The following EFTUD2 variants were observed in gnomAD, a reference collection of about 807,000 sequenced individuals.
EFTUD2 encodes the protein 116 kDa U5 small nuclear ribonucleoprotein component.
In EFTUD2, 9 loss-of-function variants were observed where a neutral mutation model predicts 114.3. That is an observed-to-expected ratio of 0.08 (90% CI 0.05 to 0.14). The LOEUF is 0.14. Ranked by LOEUF, EFTUD2 falls within the 10% of genes least tolerant of loss-of-function variation. The pLI is 1.00. For synonymous variants in EFTUD2, 449 were observed against 462.3 expected (o/e 0.97, Z 0.37); for missense variants, 765 against 1,241.2 (o/e 0.62, Z 5.76).
At chr17:44,881,831 T>C in intron 6 of EFTUD2, 109 bp from the exon 7 acceptor site, 1 of 1,037,352 alleles carries the variant, frequency 9.6e-7, no homozygotes, top group South Asian at 1.4e-5. Context: ...TTCTTTGAGA[T>C]TAAAGAGAGA....
intron 7 of EFTUD2, 25 bp from the exon 8 acceptor site, chr17:44,880,669 G>T (rs1409270223): frequency 1.9e-6 from 3 of 1,596,414 alleles, no homozygotes; most frequent in South Asian, 1.1e-5. Flanking sequence ...GAGTGGTCAA[G>T]ACCTCTTCCT....
intron 10 of EFTUD2, among the ~76,000 whole-genome samples, chr17:44,874,166 C>T (rs757159226): frequency 4.0e-5 from 6 of 151,604 alleles, no homozygotes; most frequent in Non-Finnish European, 1.5e-5. Flanking sequence ...CTCTGCCTCC[C>T]GAGTAGCTAA....
In EFTUD2 at chr17:44,880,646, T is replaced by A; in HGVS notation, c.529-2A>T. 6.2e-7 allele frequency: 1 copy of A among 1,612,902 alleles called. No homozygotes were observed. On this transcript the variant is annotated splice_acceptor_variant, in intron 7 of 27. Coordinates refer to ENST00000426333, the MANE Select transcript of EFTUD2 (RefSeq NM_004247.4). LOFTEE classifies it high-confidence loss of function. The stretch of plus-strand genomic sequence containing the variant: ...AGTGCTTTTGATGCCTACACCTCTC[T>A]GAAAGGAACAAAGAGTGGTCAAGAC...
At chr17:44,876,590 T>C (rs552688776) in intron 9 of EFTUD2, among the ~76,000 whole-genome samples, 52 of 152,118 alleles carry the variant, frequency 3.4e-4, no homozygotes, top group Admixed American at 2.6e-4. Flanking sequence ...CAGTGGCTCA[T>C]GCCTGTAATT....
At chr17:44,869,934 T>C (rs1394381336) in intron 11 of EFTUD2, among the ~76,000 whole-genome samples, 1 of 152,246 alleles carries the variant, frequency 6.6e-6, no homozygotes, top group African/African-American at 2.4e-5. Context: ...CATGATGCCT[T>C]ATTGTATTAT....
chr17:44,875,938 T>C lies in EFTUD2; in HGVS notation c.865A>G (p.Ile289Val), dbSNP rs1264653154. Residue 289 changes from isoleucine (I) to valine (V), a missense_variant, in exon 10 of 28, where the codon ATA becomes GTA. Ile to Val is a conservative substitution (Grantham distance 29). Around this residue, in one of 6 missense-constraint regions of EFTUD2, gnomAD observed 251 missense variants for 357.7 expected, o/e 0.70. Transcript: ENST00000426333. ...CCACTCCCAGGGGTTTTCTACCTTA[T>C]TAATCCATTGACCTCATCCACAATG... ...RHIVDEVNGL[I>V]SMYSTDENLI... The C allele has an allele frequency of 2.5e-6, 4 of 1,613,532 alleles. No individual in the cohort carries two copies. Among genetic ancestry groups the C allele is most frequent in the South Asian group, 2.2e-5 (2 of 91,072 alleles).
intron 2 of EFTUD2, among the ~76,000 whole-genome samples, chr17:44,889,728 C>T (rs2051243998): frequency 6.6e-6 from 1 of 152,162 alleles, no homozygotes; most frequent in African/African-American, 2.4e-5. Context: ...AGACCGGCTA[C>T]CTCCTACCAT....
intron 20 of EFTUD2, 74 bp downstream of exon 20, chr17:44,857,001 G>A (rs1326417309): frequency 8.9e-6 from 11 of 1,238,756 alleles, no homozygotes; most frequent in Non-Finnish European, 1.3e-5. Context: ...TCATGGTGGG[G>A]GTAGAGGTGG....
chr17:44,882,113 C>T (rs544418151), intron 6 of EFTUD2, among the ~76,000 whole-genome samples: 73 of 151,908 alleles, frequency 4.8e-4, no homozygotes, highest in Non-Finnish European at 7.7e-4. Context: ...TTTGTATTTT[C>T]GGTAGACACA....
Position 44,851,257 on chromosome 17 carries a change from C to T in EFTUD2, c.*17G>A. 6.2e-7 allele frequency: 1 copy of T among 1,610,102 alleles called. No homozygotes were observed. Among genetic ancestry groups the T allele is most frequent in the Non-Finnish European group, 8.5e-7 (1 of 1,176,532 alleles). ...CAGCCCACTGTAGGGAGCAGGAGCT[C>T]CCAGGAGTCCACGCACTCACATGGG... is the stretch of plus-strand genomic sequence containing the variant. On this transcript the variant is annotated 3_prime_UTR_variant, in exon 28 of 28. Coordinates refer to ENST00000426333, the MANE Select transcript of EFTUD2 (RefSeq NM_004247.4).
At position 44,868,362 on chromosome 17, in the gene EFTUD2, G is replaced by A. The variant is rs1378868515; in HGVS notation, c.995-12C>T. ...GTAATTAATGTCACCTATGGGAGAAGCCACACAATTATAATCTACCTAGCA... is the reference window on the plus strand; with the variant it reads ...GTAATTAATGTCACCTATGGGAGAAACCACACAATTATAATCTACCTAGCA... On this transcript the variant is annotated splice_polypyrimidine_tract_variant and intron_variant, in intron 11 of 27. Transcript: ENST00000426333. The A allele has an allele frequency of 6.2e-7, 1 of 1,613,174 alleles. No individual in the cohort carries two copies. The highest frequency in any genetic ancestry group is 1.7e-5 in the Admixed American group (1 of 59,864).
intron 11 of EFTUD2, among the ~76,000 whole-genome samples, chr17:44,870,004 C>T (rs2050818373): frequency 6.6e-6 from 1 of 152,202 alleles, no homozygotes; most frequent in African/African-American, 2.4e-5. Context: ...GATTCTAGTT[C>T]CTACTCTATT....
intron 13 of EFTUD2, among the ~76,000 whole-genome samples, 184 bp downstream of exon 13, chr17:44,867,623 A>C (rs2145486933): frequency 6.6e-6 from 1 of 151,860 alleles, no homozygotes; most frequent in East Asian, 1.9e-4. Flanking sequence ...TTTTAATAAC[A>C]CTTAGAGTAA....
chr17:44,858,399 C>A (rs941342538), intron 19 of EFTUD2, among the ~76,000 whole-genome samples: 2 of 152,028 alleles, frequency 1.3e-5, no homozygotes, highest in Non-Finnish European at 2.9e-5. Context: ...CCACACCTGA[C>A]TAATTTTTAT....
chr17:44,875,696 G>A (rs1485457194), intron 10 of EFTUD2: 2 of 369,804 alleles, frequency 5.4e-6, no homozygotes, highest in African/African-American at 2.0e-5. Context: ...GGGTAACAGA[G>A]ATCCTATCTC....
In EFTUD2 at chr17:44,883,863, C is replaced by G. The variant is rs544351140; in HGVS notation, c.351-139G>C. 7.0e-6 allele frequency: 5 copies of G among 717,804 alleles called. No homozygotes were observed. The South Asian group carries it at 7.8e-5, about 11-fold the overall frequency. 44.5% of individuals were successfully genotyped at this position (717,804 alleles called of 1,614,324 possible). A position where few individuals can be genotyped will look rare whatever the true frequency, so the allele number is the denominator to read the frequency against. ...AGAGTGCTCAGGCAGATGTGAATGT[C>G]TATACTTACATAGCTCTGGCTTTGG... On this transcript the variant is annotated intron_variant, in intron 4 of 27. Coordinates refer to ENST00000426333, the MANE Select transcript of EFTUD2 (RefSeq NM_004247.4).
At chr17:44,863,320 C>T (rs1238664235) in intron 15 of EFTUD2, 1 of 259,396 alleles carries the variant, frequency 3.9e-6, no homozygotes, top group African/African-American at 2.2e-5. Flanking sequence ...ACAAGATTAG[C>T]TACCATTTGT....
At chr17:44,853,811 C>T in intron 23 of EFTUD2, 176 bp from the exon 24 acceptor site, 1 of 1,438,634 alleles carries the variant, frequency 7.0e-7, no homozygotes, top group Non-Finnish European at 9.1e-7. Flanking sequence ...TGGCAGAGGT[C>T]AGAAGTTAAG....
chr17:44,864,055 G>A (rs1035018925), intron 14 of EFTUD2: 1 of 297,220 alleles, frequency 3.4e-6, no homozygotes, highest in Non-Finnish European at 6.4e-6. Context: ...AAAGTACATC[G>A]ATCTATGAAC....
Sources: allele counts gnomAD v4.1 joint callset (sites outside exome capture counted in the v4.1 genomes callset), GRCh38; gene constraint gnomAD v4.1.1; regional missense constraint gnomAD v4.1.1; transcripts MANE v1.5; gene names NCBI Gene and HGNC (gene_info 2026-07-23, HGNC 2026-07-21).